Variants in EFCAB6 observed in about 807,000 individuals in gnomAD.
EFCAB6 encodes the protein EF-hand calcium binding domain 6.
In EFCAB6, 156 loss-of-function variants were observed where a neutral mutation model predicts 169.8. The ratio of observed to expected loss-of-function variants is 0.92; its 90% CI spans 0.81 to 1.05. The LOEUF (loss-of-function observed/expected upper bound fraction) is 1.05. EFCAB6 is among the 50% of genes least tolerant of loss of function. The pLI is 0.00. For synonymous variants in EFCAB6, 698 were observed against 676.4 expected (o/e 1.03, Z -0.50); for missense variants, 1,800 against 1,829.1 (o/e 0.98, Z 0.29).
intron 1 of EFCAB6, among the ~76,000 whole-genome samples, chr22:43,811,508 G>C (rs1460040914): frequency 6.6e-6 from 1 of 152,136 alleles, no homozygotes; most frequent in East Asian, 1.9e-4. Context: ...GGGTGATTTG[G>C]ACAACCTTCA....
At chr22:43,655,520 C>CA (rs137753) in intron 17 of EFCAB6, among the ~76,000 whole-genome samples, 17,569 of 116,244 alleles carry the variant, frequency 0.15, 1,201 homozygotes, top group African/African-American at 0.2. Context: ...GACCCTGTCT[C>CA]AAAAAAAAAA....
chr22:43,603,239 T>C (rs537454483), intron 22 of EFCAB6, among the ~76,000 whole-genome samples: 1 of 152,362 alleles, frequency 6.6e-6, no homozygotes, highest in South Asian at 2.1e-4. Flanking sequence ...AACAGAAGAC[T>C]AGATTGCACA....
chr22:43,674,408 G>C (rs1411678185), intron 13 of EFCAB6, among the ~76,000 whole-genome samples: 1 of 152,130 alleles, frequency 6.6e-6, no homozygotes, highest in Admixed American at 6.5e-5. Flanking sequence ...ATGTGACTCT[G>C]AGACTGGGAG....
chr22:43,615,790 T>C (rs1002616696), intron 21 of EFCAB6, 36 bp downstream of exon 21: 11 of 1,562,640 alleles, frequency 7.0e-6, no homozygotes, highest in Non-Finnish European at 9.6e-6. Context: ...TTGAAATAGA[T>C]TTTCTTTCCT....
intron 14 of EFCAB6, 52 bp from the exon 15 acceptor site, chr22:43,672,185 G>C: frequency 6.2e-7 from 1 of 1,613,756 alleles, no homozygotes; most frequent in Non-Finnish European, 8.5e-7. Flanking sequence ...GTAACCTCTT[G>C]TAACAGTAAC....
At chr22:43,778,832 G>C (rs972421573) in intron 3 of EFCAB6, among the ~76,000 whole-genome samples, 1 of 152,150 alleles carries the variant, frequency 6.6e-6, no homozygotes, top group Non-Finnish European at 1.5e-5. Context: ...TTCCTTTTCT[G>C]GTGGTAAATA....
At chr22:43,600,999 G>A (rs1297383949) in intron 22 of EFCAB6, among the ~76,000 whole-genome samples, 1 of 152,174 alleles carries the variant, frequency 6.6e-6, no homozygotes, top group Admixed American at 6.5e-5. Flanking sequence ...ACTTACCTGT[G>A]AAAGGAATTA....
chr22:43,541,297 A>ACG (rs1569128532), intron 27 of EFCAB6, among the ~76,000 whole-genome samples: 71 of 152,364 alleles, frequency 4.7e-4, no homozygotes, highest in African/African-American at 1.7e-3. Context: ...AATCCTCAGA[A>ACG]GAAGCAGGGA....
At chr22:43,705,360 C>A (rs916365369) in intron 10 of EFCAB6, among the ~76,000 whole-genome samples, 1 of 152,104 alleles carries the variant, frequency 6.6e-6, no homozygotes, top group African/African-American at 2.4e-5. Context: ...ACTTGAACAA[C>A]ACTTTAGACC....
intron 13 of EFCAB6, among the ~76,000 whole-genome samples, chr22:43,676,373 C>G (rs1278881561): frequency 6.9e-6 from 1 of 144,580 alleles, no homozygotes; most frequent in Non-Finnish European, 1.5e-5. Flanking sequence ...GAGCCGAGAT[C>G]ATGCCACTGC....
intron 8 of EFCAB6, among the ~76,000 whole-genome samples, chr22:43,723,861 T>C (rs77103567): frequency 0.02 from 3,031 of 152,324 alleles, 102 homozygotes; most frequent in African/African-American, 0.07. Flanking sequence ...AGTCCGGAGA[T>C]GGCCCTGGGC....
At chr22:43,804,933 C>G (rs1603393084) in intron 2 of EFCAB6, among the ~76,000 whole-genome samples, 2 of 152,134 alleles carry the variant, frequency 1.3e-5, no homozygotes, top group African/African-American at 4.8e-5. Context: ...GTCAAATTAG[C>G]CTTGTTCACA....
intron 9 of EFCAB6, among the ~76,000 whole-genome samples, chr22:43,716,240 A>G (rs2059327852): frequency 1.3e-5 from 2 of 152,196 alleles, no homozygotes; most frequent in African/African-American, 4.8e-5. Flanking sequence ...TGGATAGCAA[A>G]TTATCTCAAT....
intron 22 of EFCAB6, among the ~76,000 whole-genome samples, chr22:43,606,096 C>T (rs1273600667): frequency 6.6e-6 from 1 of 152,188 alleles, no homozygotes; most frequent in African/African-American, 2.4e-5. Context: ...AGAGGAATTA[C>T]CAGCCCAAGA....
At position 43,765,295 on chromosome 22, in the gene EFCAB6, A is replaced by C. The variant is rs2147928434; in HGVS notation, c.440+10T>G. On this transcript the variant is annotated intron_variant, in intron 5 of 31. Transcript: ENST00000262726. ...TTTCACATTTTCACATGAGCAAACCAAACACTTACCTCTTTATACCATTTA... is the reference window on the plus strand; with the variant it reads ...TTTCACATTTTCACATGAGCAAACCCAACACTTACCTCTTTATACCATTTA... 1 of 1,606,288 alleles carries C rather than the reference A, an allele frequency of 6.2e-7. No homozygotes were observed. The highest frequency in any genetic ancestry group is 1.3e-5 in the African/African-American group (1 of 74,876).
chr22:43,647,522 T>C (rs2148027055), intron 17 of EFCAB6, among the ~76,000 whole-genome samples: 1 of 152,342 alleles, frequency 6.6e-6, no homozygotes, highest in East Asian at 1.9e-4. Context: ...TTTTAAGGGT[T>C]ATACATTGTT....
At chr22:43,567,859 T>A (rs754203239) in intron 26 of EFCAB6, among the ~76,000 whole-genome samples, 15 of 152,130 alleles carry the variant, frequency 9.9e-5, no homozygotes, top group Non-Finnish European at 1.8e-4. Context: ...AGGGCTCAGT[T>A]CCAAGCTCCT....
Position 43,587,592 on chromosome 22 carries a change from G to A in EFCAB6, c.3032+2482C>T, listed in dbSNP as rs147433135. On this transcript the variant is annotated intron_variant, in intron 24 of 31. Transcript: ENST00000262726. Reference sequence around the variant, plus strand: ...TGGTCACATGGCCTTCTCTTTGTCTGTGTCAAATCTCCCTCTGCCTCCCTC... The same window carrying A: ...TGGTCACATGGCCTTCTCTTTGTCTATGTCAAATCTCCCTCTGCCTCCCTC... 3.5e-3 allele frequency among the ~76,000 whole-genome samples: 530 copies of A among 152,174 alleles called. 2 individuals carry two copies. The highest frequency in any genetic ancestry group is 0.012 in the African/African-American group (509 of 41,442).
intron 8 of EFCAB6, among the ~76,000 whole-genome samples, chr22:43,723,844 GGGGCAGAGTCCGGAGATGGCCCT>G (rs907636278): frequency 2.6e-5 from 4 of 152,218 alleles, no homozygotes; most frequent in African/African-American, 9.6e-5. Flanking sequence ...CCGGAATGTG[GGGGCAGAGTCCGGAGATGGCCCT>G]GGGCAGCAAG....
Sources: gnomAD v4.1 joint callset for allele counts (sites outside exome capture counted in the v4.1 genomes callset) on GRCh38, gnomAD v4.1.1 for gene constraint, MANE v1.5 for transcripts, NCBI Gene and HGNC (gene_info 2026-07-23, HGNC 2026-07-21) for gene names.